ST6GAL1: variants seen among roughly 807,000 people sequenced by gnomAD.
ST6GAL1 encodes the protein beta-galactoside alpha-2,6-sialyltransferase 1.
ST6GAL1 carries 20 observed loss-of-function variants against 38.0 expected under a neutral mutation model. The observed-to-expected ratio is 0.53, with a 90% CI of 0.37 to 0.77. The LOEUF (loss-of-function observed/expected upper bound fraction) is 0.77. ST6GAL1 is among the 30% of genes least tolerant of loss of function. The pLI is 0.00. For synonymous variants in ST6GAL1, 196 were observed against 188.2 expected (o/e 1.04, Z -0.34); for missense variants, 432 against 496.4 (o/e 0.87, Z 1.23).
At chr3:186,953,873 G>T (rs1023068776) in intron 1 of ST6GAL1, among the ~76,000 whole-genome samples, 3 of 151,298 alleles carry the variant, frequency 2.0e-5, no homozygotes, top group African/African-American at 7.3e-5. Flanking sequence ...AGGATGTGCA[G>T]GTTTGTTACA....
In ST6GAL1 at chr3:186,947,068, C is replaced by T. The variant is rs145927415; in HGVS notation, c.-325+16234C>T. Among the ~76,000 whole-genome samples the T allele has an allele frequency of 2.1e-3, 317 of 152,144 alleles. 1 individual carries two copies. The highest frequency in any genetic ancestry group is 7.4e-3 in the African/African-American group (306 of 41,498). On this transcript the variant is annotated intron_variant, in intron 1 of 7. Transcript: ENST00000169298. ...AGGCCTGGGGATGAAGGGGCGTTGG[C>T]ATGTCTGGGGTTACTGGGAGCAGTT...
At chr3:187,010,124 T>C (rs766907204) in intron 2 of ST6GAL1, among the ~76,000 whole-genome samples, 11 of 152,218 alleles carry the variant, frequency 7.2e-5, no homozygotes, top group Non-Finnish European at 1.5e-4. Flanking sequence ...TTCAGGTTAT[T>C]CATGGGCTGA....
intron 4 of ST6GAL1, among the ~76,000 whole-genome samples, chr3:187,044,438 C>T (rs996006198): frequency 1.4e-4 from 21 of 152,172 alleles, no homozygotes; most frequent in Non-Finnish European, 2.6e-4. Context: ...TTCTCTAGAG[C>T]AGAAAGAAAT....
intron 5 of ST6GAL1, among the ~76,000 whole-genome samples, chr3:187,054,538 C>T (rs752143483): frequency 5.5e-4 from 84 of 152,134 alleles, no homozygotes; most frequent in Admixed American, 5.9e-4. Context: ...AAGGTCTTTT[C>T]TGCATCTATT....
At chr3:187,014,506 G>T (rs896223046) in intron 2 of ST6GAL1, among the ~76,000 whole-genome samples, 1 of 152,346 alleles carries the variant, frequency 6.6e-6, no homozygotes, top group East Asian at 1.9e-4. Context: ...GGTGAGGTGT[G>T]GGGAGGGCAG....
chr3:187,047,698 T>C (rs1051127908), intron 4 of ST6GAL1, among the ~76,000 whole-genome samples: 4 of 152,144 alleles, frequency 2.6e-5, no homozygotes, highest in Admixed American at 2.6e-4. Context: ...TAGAGGCCTA[T>C]TTGAGTTTGA....
chr3:187,004,662 T>G (rs7617523), intron 2 of ST6GAL1, among the ~76,000 whole-genome samples: 63,327 of 152,086 alleles, frequency 0.42, 13,828 homozygotes, highest in African/African-American at 0.54. Flanking sequence ...TTTCAGCCAG[T>G]ACCAGATGCC....
At chr3:187,010,063 T>A (rs1034581238) in intron 2 of ST6GAL1, among the ~76,000 whole-genome samples, 1 of 152,166 alleles carries the variant, frequency 6.6e-6, no homozygotes, top group South Asian at 2.1e-4. Flanking sequence ...TAACTTGTCC[T>A]CTTTAAAGGA....
At chr3:187,050,382 G>GTGGGGTAGA (rs1279888180) in intron 4 of ST6GAL1, among the ~76,000 whole-genome samples, 1 of 152,142 alleles carries the variant, frequency 6.6e-6, no homozygotes, top group Non-Finnish European at 1.5e-5. Flanking sequence ...ATAGGTCAAC[G>GTGGGGTAGA]TGGGGTAGAG....
chr3:187,044,918 G>A (rs555000097), intron 4 of ST6GAL1, among the ~76,000 whole-genome samples: 13 of 152,326 alleles, frequency 8.5e-5, no homozygotes, highest in African/African-American at 2.4e-4. Context: ...GTTAGACTTC[G>A]AATGTTCTGC....
intron 5 of ST6GAL1, among the ~76,000 whole-genome samples, chr3:187,065,696 C>T (rs1388711430): frequency 5.9e-5 from 9 of 152,170 alleles, no homozygotes; most frequent in African/African-American, 1.9e-4. Flanking sequence ...GAGAGAAGAC[C>T]TACTTCCTAT....
chr3:187,037,995 C>T (rs1433847846), intron 2 of ST6GAL1, among the ~76,000 whole-genome samples: 1 of 151,578 alleles, frequency 6.6e-6, no homozygotes, highest in Admixed American at 6.6e-5. Flanking sequence ...TACAATTATA[C>T]TGATTGAACT....
rs141065577 is a variant in ST6GAL1, at chr3:186,945,212, G to A, written c.-325+14378G>A. On this transcript the variant is annotated intron_variant, in intron 1 of 7. Transcript: ENST00000169298. ...AGTCCTAGCTACTTGGAAGACTGAT[G>A]TGGGAGGATCCCTTGCCCAGGAGCT... is the stretch of plus-strand genomic sequence containing the variant. 7.3e-3 allele frequency among the ~76,000 whole-genome samples: 1,116 copies of A among 152,104 alleles called. 5 individuals are homozygous for A. Among genetic ancestry groups the A allele is most frequent in the Non-Finnish European group, 0.013 (875 of 67,988 alleles).
chr3:186,992,670 A>G (rs1269104289), intron 2 of ST6GAL1, among the ~76,000 whole-genome samples: 7 of 151,886 alleles, frequency 4.6e-5, no homozygotes, highest in Admixed American at 2.0e-4. Context: ...GGTGGCGGGC[A>G]CCCATAATCT....
At chr3:186,997,256 C>G (rs73888339) in intron 2 of ST6GAL1, among the ~76,000 whole-genome samples, 2,690 of 152,236 alleles carry the variant, frequency 0.018, 65 homozygotes, top group African/African-American at 0.057. Context: ...TTATCTCATG[C>G]AATGACCAGG....
chr3:187,066,593 C>CGT (rs1458356844), intron 5 of ST6GAL1, among the ~76,000 whole-genome samples: 5 of 121,556 alleles, frequency 4.1e-5, no homozygotes, highest in Non-Finnish European at 8.8e-5. Context: ...TGAAGATGTG[C>CGT]GTGCGTGCGT....
Position 187,039,348 on chromosome 3 carries a change from T to C in ST6GAL1, c.-51+475T>C, listed in dbSNP as rs189430073. ...ATTGCATCAGTTCAATAATCTTTCA[T>C]TGAGTATCCGCTCTGGTCCAGGCAC... On this transcript the variant is annotated intron_variant, in intron 3 of 7. Transcript: ENST00000169298. Among the ~76,000 whole-genome samples, 413 of 152,346 alleles carry C rather than the reference T, an allele frequency of 2.7e-3. 1 individual carries two copies. The highest frequency in any genetic ancestry group is 9.4e-3 in the African/African-American group (391 of 41,582).
At chr3:187,009,260 T>C (rs1716880442) in intron 2 of ST6GAL1, among the ~76,000 whole-genome samples, 1 of 152,172 alleles carries the variant, frequency 6.6e-6, no homozygotes, top group African/African-American at 2.4e-5. Flanking sequence ...TAAATTATTT[T>C]TAATGGTACT....
At chr3:186,961,198 A>G (rs1579273648) in intron 1 of ST6GAL1, among the ~76,000 whole-genome samples, 1 of 150,908 alleles carries the variant, frequency 6.6e-6, no homozygotes, top group Admixed American at 6.6e-5. Flanking sequence ...CTGGTCTTGA[A>G]CTCCTGACCT....
Sources: allele counts gnomAD v4.1 joint callset (sites outside exome capture counted in the v4.1 genomes callset), GRCh38; gene constraint gnomAD v4.1.1; transcripts MANE v1.5; gene names NCBI Gene and HGNC (gene_info 2026-07-23, HGNC 2026-07-21).